DTNA: variants seen among roughly 807,000 people sequenced by gnomAD.
DTNA encodes dystrobrevin alpha, also known as dystrophin-related protein 3.
DTNA carries 43 observed loss-of-function variants against 100.7 expected under a neutral mutation model. The ratio of observed to expected loss-of-function variants is 0.43; its 90% CI spans 0.33 to 0.55. The LOEUF (loss-of-function observed/expected upper bound fraction) is 0.55, where lower values mean the gene tolerates loss of function less well. Ranked by LOEUF, DTNA falls within the 20% of genes least tolerant of loss-of-function variation. The probability of loss-of-function intolerance (pLI) is 0.04; values close to 1 mark genes in which losing one functional copy is unlikely to be tolerated. For missense variants in DTNA, 798 were observed against 953.9 expected, an observed-to-expected ratio of 0.84 and a Z score of 2.15; for synonymous variants, 349 against 347.9, an observed-to-expected ratio of 1.00 and a Z score of -0.04.
intron 1 of DTNA, among the ~76,000 whole-genome samples, chr18:34,728,655 C>T (rs1049957441): frequency 2.6e-5 from 4 of 152,130 alleles, no homozygotes; most frequent in Non-Finnish European, 5.9e-5. Context: ...TCCAGAGGCC[C>T]AAAGGGCATC....
upstream of DTNA, among the ~76,000 whole-genome samples, chr18:34,708,481 A>G (rs900591844): frequency 6.6e-6 from 1 of 152,194 alleles, no homozygotes; most frequent in Non-Finnish European, 1.5e-5. Flanking sequence ...CCATATTTAA[A>G]GATGAAAAAA....
At chr18:34,697,530 G>T (rs1336995856) in intron 1 of DTNA, among the ~76,000 whole-genome samples, 1 of 152,148 alleles carries the variant, frequency 6.6e-6, no homozygotes, top group Non-Finnish European at 1.5e-5. Flanking sequence ...GACTGGAGAA[G>T]AGATGACATT....
intron 10 of DTNA, chr18:34,828,962 A>G (rs1348826169): frequency 7.3e-6 from 11 of 1,515,244 alleles, no homozygotes; most frequent in Non-Finnish European, 9.2e-6. Context: ...ATGTACTTTT[A>G]TTAGGAAGCT....
chr18:34,557,627 G>A (rs1157020323), intron 1 of DTNA, among the ~76,000 whole-genome samples: 203 of 151,704 alleles, frequency 1.3e-3, no homozygotes, highest in African/African-American at 4.4e-3. Context: ...ATACCCTGCC[G>A]TGTGAGGTGT....
At chr18:34,757,206 CCTAGACCCCATGTGTGGTA>C (rs1311444961) in intron 2 of DTNA, 1 of 152,206 alleles carries the variant, frequency 6.6e-6, no homozygotes, top group African/African-American at 2.4e-5. Context: ...CTTCCAATTT[CCTAGACCCCATGTGTGGTA>C]CTGTGTCTTC....
Position 34,848,391 on chromosome 18 carries a change from G to A in DTNA, c.1434+8G>A. On this transcript the variant is annotated splice_region_variant and intron_variant, in intron 14 of 22. Transcript: ENST00000444659. ...GCAGAGTCCTCTTCGTCTGTAAGTA[G>A]TTGGAGTAAAAGGATTCGTCTGTTG... 6.2e-7 allele frequency: 1 copy of A among 1,613,838 alleles called. No homozygotes were observed. The highest frequency in any genetic ancestry group is 8.5e-7 in the Non-Finnish European group (1 of 1,179,848).
chr18:34,815,801 C>T (rs2095583378), intron 6 of DTNA, 108 bp from the exon 7 acceptor site: 1 of 954,538 alleles, frequency 1.0e-6, no homozygotes, highest in African/African-American at 1.6e-5. Context: ...AGATATTAGA[C>T]ATTTATTGAG....
chr18:34,754,105 T>G (rs1285895845), intron 1 of DTNA, among the ~76,000 whole-genome samples: 1 of 152,158 alleles, frequency 6.6e-6, no homozygotes, highest in Admixed American at 6.5e-5. Flanking sequence ...TTCCCTTGAC[T>G]CCATAAACCA....
intron 1 of DTNA, among the ~76,000 whole-genome samples, chr18:34,573,243 G>A (rs1188668203): frequency 1.3e-5 from 2 of 152,114 alleles, no homozygotes; most frequent in Non-Finnish European, 2.9e-5. Flanking sequence ...TATGAGAAAG[G>A]TCTGCTGGGC....
At chr18:34,766,292 A>G (rs144501738) in intron 3 of DTNA, among the ~76,000 whole-genome samples, 9 of 152,340 alleles carry the variant, frequency 5.9e-5, no homozygotes, top group African/African-American at 1.9e-4. Flanking sequence ...ACCTCTGGAT[A>G]CATATACAAT....
At chr18:34,691,854 T>A (rs1258946543) in intron 1 of DTNA, among the ~76,000 whole-genome samples, 3 of 152,210 alleles carry the variant, frequency 2.0e-5, no homozygotes, top group African/African-American at 7.2e-5. Flanking sequence ...TCTTTCAATA[T>A]CCAGCACAGC....
intron 20 of DTNA, among the ~76,000 whole-genome samples, chr18:34,879,936 C>A (rs2096855992): frequency 6.6e-6 from 1 of 152,072 alleles, no homozygotes; most frequent in African/African-American, 2.4e-5. Context: ...ATAACCTAAA[C>A]CAACCAGTGC....
Position 34,890,643 on chromosome 18 carries a change from C to A in DTNA, c.*2909C>A. The A allele has an allele frequency of 1.2e-6, 1 of 834,746 alleles. No homozygotes were observed. Among genetic ancestry groups the A allele is most frequent in the Non-Finnish European group, 1.8e-6 (1 of 559,302 alleles). 51.7% of individuals were successfully genotyped at this position (834,746 alleles called of 1,614,324 possible). A position where few individuals can be genotyped will look rare whatever the true frequency, so the allele number is the denominator to read the frequency against. Reference sequence around the variant, plus strand: ...GAGGGGAGGAAGGTGAAATCTACTGCATGGGATTCAGGAAACAGTTGTGGT... The same window carrying A: ...GAGGGGAGGAAGGTGAAATCTACTGAATGGGATTCAGGAAACAGTTGTGGT... On this transcript the variant is annotated 3_prime_UTR_variant, in exon 23 of 23. Transcript: ENST00000444659.
chr18:34,867,542 G>A, intron 17 of DTNA: 1 of 1,138,176 alleles, frequency 8.8e-7, no homozygotes, highest in East Asian at 4.4e-5. Flanking sequence ...TCTGCAAATG[G>A]CTTCTTTCCT....
At chr18:34,835,605 A>G (rs1293638796) in intron 11 of DTNA, among the ~76,000 whole-genome samples, 2 of 152,122 alleles carry the variant, frequency 1.3e-5, no homozygotes, top group Non-Finnish European at 2.9e-5. Flanking sequence ...CACCAAAGGA[A>G]AGTCCGGCCT....
chr18:34,762,101 A>G (rs955893940), intron 2 of DTNA, among the ~76,000 whole-genome samples: 2 of 152,218 alleles, frequency 1.3e-5, no homozygotes, highest in Non-Finnish European at 2.9e-5. Flanking sequence ...ATATCAACAT[A>G]CTAAAAGCAA....
At chr18:34,664,292 T>G (rs1050141296) in intron 1 of DTNA, among the ~76,000 whole-genome samples, 2 of 152,126 alleles carry the variant, frequency 1.3e-5, no homozygotes, top group Non-Finnish European at 1.5e-5. Context: ...ACCAAAATTT[T>G]GTTTTGGAAA....
chr18:34,805,662 C>A (rs896017589), intron 4 of DTNA, among the ~76,000 whole-genome samples: 1 of 151,774 alleles, frequency 6.6e-6, no homozygotes, highest in Non-Finnish European at 1.5e-5. Context: ...TAGCAGCTCT[C>A]TTTGAAAAGT....
At position 34,666,293 on chromosome 18, in the gene DTNA, T is replaced by C. The variant is rs190015494; in HGVS notation, c.-1-89683T>C. ...TGTTTTTTTTTTCTTGTAAATTTGT[T>C]TGAGTTCTTTATAGATTCTGGATAT... On this transcript the variant is annotated intron_variant, in intron 1 of 19. Transcript: ENST00000283365. 2.9e-4 allele frequency among the ~76,000 whole-genome samples: 44 copies of C among 152,256 alleles called. 1 individual carries two copies. Among genetic ancestry groups the C allele is most frequent in the Admixed American group, 2.7e-3 (41 of 15,296 alleles).
Sources: allele counts gnomAD v4.1 joint callset (sites outside exome capture counted in the v4.1 genomes callset), GRCh38; gene constraint gnomAD v4.1.1; transcripts MANE v1.5; gene names NCBI Gene and HGNC (gene_info 2026-07-23, HGNC 2026-07-21).